NUF2: variants seen among roughly 807,000 people sequenced by gnomAD.
The protein encoded by NUF2 is kinetochore protein Nuf2.
In NUF2, 34 loss-of-function variants were observed where a neutral mutation model predicts 61.8. The ratio of observed to expected loss-of-function variants is 0.55; its 90% confidence interval spans 0.42 to 0.73. NUF2 has a LOEUF of 0.73. Ranked by LOEUF, NUF2 falls within the 30% of genes least tolerant of loss-of-function variation. NUF2 has a pLI of 0.00. For missense variants in NUF2, 445 were observed against 539.1 expected, an observed-to-expected ratio of 0.83 and a Z score of 1.73; for synonymous variants, 172 against 181.6, an observed-to-expected ratio of 0.95 and a Z score of 0.42.
In NUF2 at chr1:163,340,342, A is replaced by G. The variant is rs776839802; in HGVS notation, c.607-22A>G. 1.9e-6 allele frequency: 3 copies of G among 1,580,588 alleles called. No homozygotes were observed. The South Asian group carries it at 3.4e-5, about 18-fold the overall frequency. On this transcript the variant is annotated intron_variant, in intron 8 of 13. Coordinates refer to ENST00000271452, the MANE Select transcript of NUF2 (RefSeq NM_145697.3). ...TCTAAATGTTTTGAATCATTATAAA[A>G]CGTGTTTGCTTTTTCCCTTAGATAG...
chr1:163,327,097 TTCAC>T (rs1018178379), intron 2 of NUF2, among the ~76,000 whole-genome samples: 7 of 19,824 alleles, frequency 3.5e-4, no homozygotes, highest in African/African-American at 6.3e-4. Context: ...GTTTCCTGTG[TTCAC>T]ACACACACAC....
intron 11 of NUF2, 105 bp downstream of exon 11, chr1:163,345,923 G>T (rs1324622526): frequency 3.9e-6 from 3 of 770,286 alleles, no homozygotes; most frequent in Admixed American, 5.7e-5. Flanking sequence ...GAAAAACAGG[G>T]TCATTCTACA....
intron 5 of NUF2, among the ~76,000 whole-genome samples, chr1:163,330,498 ACTC>A (rs911676715): frequency 3.5e-4 from 53 of 151,878 alleles, no homozygotes; most frequent in African/African-American, 1.2e-3. Context: ...AATCAGTGTT[ACTC>A]CTCTTTCTTC....
chr1:163,332,218 A>G (rs1650619665), intron 5 of NUF2, among the ~76,000 whole-genome samples: 1 of 150,984 alleles, frequency 6.6e-6, no homozygotes, highest in African/African-American at 2.4e-5. Flanking sequence ...TTCCCTTTTG[A>G]TTTCTTTTTT....
chr1:163,351,020 G>C (rs542004253), intron 13 of NUF2, among the ~76,000 whole-genome samples: 1 of 152,086 alleles, frequency 6.6e-6, no homozygotes, highest in South Asian at 2.1e-4. Context: ...AGACATTTGA[G>C]GATAATGATC....
intron 13 of NUF2, 84 bp from the exon 14 acceptor site, chr1:163,355,251 G>C: frequency 9.9e-7 from 1 of 1,009,006 alleles, no homozygotes; most frequent in Non-Finnish European, 1.4e-6. Context: ...TAATAAATAT[G>C]AATAAACTTG....
At chr1:163,328,531 G>GT in intron 4 of NUF2, 1 of 498,390 alleles carries the variant, frequency 2.0e-6, no homozygotes, top group Non-Finnish European at 3.5e-6. Context: ...CTAAGATACT[G>GT]TAAGTCGAAA....
chr1:163,345,975 T>C, intron 11 of NUF2, 157 bp downstream of exon 11: 1 of 501,936 alleles, frequency 2.0e-6, no homozygotes, highest in South Asian at 3.8e-5. Flanking sequence ...AAAGACACTT[T>C]TCTTTTTAAA....
intron 12 of NUF2, 80 bp downstream of exon 12, chr1:163,348,018 C>T: frequency 1.8e-6 from 2 of 1,094,974 alleles, no homozygotes; most frequent in Non-Finnish European, 2.5e-6. Flanking sequence ...GATTTCAAAA[C>T]CTCGGTATTT....
intron 5 of NUF2, among the ~76,000 whole-genome samples, chr1:163,335,519 T>C (rs981391280): frequency 2.0e-5 from 3 of 152,180 alleles, no homozygotes; most frequent in Non-Finnish European, 4.4e-5. Context: ...TCTAAGCTAG[T>C]TGTTAGCCGT....
chr1:163,349,998 T>C (rs989221441), intron 13 of NUF2, among the ~76,000 whole-genome samples: 1 of 151,950 alleles, frequency 6.6e-6, no homozygotes, highest in African/African-American at 2.4e-5. Context: ...AGTATGGCAA[T>C]TAGAAAGACT....
chr1:163,326,697 C>G (rs1277270261), intron 2 of NUF2, among the ~76,000 whole-genome samples: 1 of 152,096 alleles, frequency 6.6e-6, no homozygotes, highest in African/African-American at 2.4e-5. Context: ...CCAAAGTCTC[C>G]TTCCAGTTTC....
chr1:163,333,253 T>G (rs536681808), intron 5 of NUF2, among the ~76,000 whole-genome samples: 1 of 152,310 alleles, frequency 6.6e-6, no homozygotes, highest in East Asian at 1.9e-4. Context: ...AGGTTTCTTT[T>G]CATTAGTATT....
chr1:163,348,048 C>G (rs1034868339), intron 12 of NUF2, 110 bp downstream of exon 12: 2 of 692,714 alleles, frequency 2.9e-6, no homozygotes. Flanking sequence ...GTTTAAACAG[C>G]TTTATCTTTA....
Position 163,343,763 on chromosome 1 carries a change from A to T in NUF2, c.700A>T (p.Lys234Ter). 1 of 1,427,296 alleles carries T rather than the reference A, an allele frequency of 7.0e-7. No homozygotes were observed. The highest frequency in any genetic ancestry group is 9.3e-7 in the Non-Finnish European group (1 of 1,073,344). The allele number at this position is 1,427,296 out of a possible 1,614,324, so 88.4% of individuals were successfully genotyped here. The change falls in exon 10 of 14, where the codon AAA (lysine) becomes TAA (stop). Residue 234 changes from lysine (K) to a stop codon, truncating the protein, a stop_gained. Coordinates refer to ENST00000271452, the MANE Select transcript of NUF2 (RefSeq NM_145697.3). LOFTEE classifies it high-confidence loss of function. Reference protein sequence around the residue: ...NELKLSVVSLKEIQESLKTKI... With the variant: ...NELKLSVVSL ...ACTAAAATTGTCGGTGGTTTCTTTG[A>T]AAGAAATACAAGAGAGTTTGAAAAC...
chr1:163,340,666 A>T (rs1650914045), intron 9 of NUF2, among the ~76,000 whole-genome samples: 1 of 152,196 alleles, frequency 6.6e-6, no homozygotes, highest in Non-Finnish European at 1.5e-5. Context: ...TATATCAAAG[A>T]TTGTATTTGC....
intron 13 of NUF2, among the ~76,000 whole-genome samples, chr1:163,352,117 C>T (rs1651341182): frequency 6.6e-6 from 1 of 152,106 alleles, no homozygotes; most frequent in Non-Finnish European, 1.5e-5. Flanking sequence ...TCATCATTTT[C>T]TATCACAAAG....
chr1:163,342,280 G>T, intron 9 of NUF2, among the ~76,000 whole-genome samples: 1 of 151,310 alleles, frequency 6.6e-6, no homozygotes, highest in South Asian at 2.1e-4. Context: ...TACTTACTAT[G>T]GCTCAATTTT....
rs552081470 is a variant in NUF2 at position 163,350,030 on chromosome 1, G to A, written c.1260+950G>A. On this transcript the variant is annotated intron_variant, in intron 13 of 13. Coordinates refer to ENST00000271452, the MANE Select transcript of NUF2 (RefSeq NM_145697.3). ...GACTTAGCAGATATTGGCTGGGCGC[G>A]GTGGCTCATGCCTGTAATCCCAGCA... Among the ~76,000 whole-genome samples, 4 of 151,802 alleles carry A rather than the reference G, an allele frequency of 2.6e-5. No individual in the cohort carries two copies. In the East Asian group the frequency reaches 5.8e-4, roughly 22 times the overall value.
Sources: gnomAD v4.1 joint callset for allele counts (sites outside exome capture counted in the v4.1 genomes callset) on GRCh38, gnomAD v4.1.1 for gene constraint, MANE v1.5 for transcripts, NCBI Gene and HGNC (gene_info 2026-07-23, HGNC 2026-07-21) for gene names.